The following HPSE2 variants were observed in gnomAD, a reference collection of about 807,000 sequenced individuals.
HPSE2 encodes inactive heparanase-2.
A neutral mutation model predicts 60.5 loss-of-function variants in HPSE2; 38 were observed. The observed-to-expected ratio is 0.63, with a 90% CI of 0.48 to 0.82. The LOEUF (loss-of-function observed/expected upper bound fraction) is 0.82, where lower values mean the gene tolerates loss of function less well. Ranked by LOEUF, HPSE2 falls within the 40% of genes least tolerant of loss-of-function variation. The pLI is 0.00. For missense variants in HPSE2, 713 were observed against 740.4 expected, an observed-to-expected ratio of 0.96 and a Z score of 0.43; for synonymous variants, 295 against 293.2, an observed-to-expected ratio of 1.01 and a Z score of -0.06.
chr10:98,839,042 A>T (rs896955311), intron 3 of HPSE2, among the ~76,000 whole-genome samples: 5 of 152,208 alleles, frequency 3.3e-5, no homozygotes, highest in African/African-American at 1.2e-4. Context: ...GCCAGCAAAG[A>T]GTATGTGATT....
At chr10:98,960,710 T>A (rs1955638895) in intron 3 of HPSE2, among the ~76,000 whole-genome samples, 3 of 55,174 alleles carry the variant, frequency 5.4e-5, no homozygotes, top group African/African-American at 2.8e-4. Context: ...TCTTTTTTTT[T>A]TTTTTTTTTT....
At chr10:98,691,383 CAA>C (rs1272614219) in intron 6 of HPSE2, among the ~76,000 whole-genome samples, 1 of 152,062 alleles carries the variant, frequency 6.6e-6, no homozygotes, top group Non-Finnish European at 1.5e-5. Context: ...AGTCAATAAA[CAA>C]AATGTATTTA....
At chr10:98,498,449 G>A (rs1564920834) in intron 9 of HPSE2, among the ~76,000 whole-genome samples, 1 of 152,126 alleles carries the variant, frequency 6.6e-6, no homozygotes, top group Non-Finnish European at 1.5e-5. Flanking sequence ...AAGGAGGAGA[G>A]TACTACATCA....
chr10:98,724,608 T>C (rs1459035008), intron 4 of HPSE2, among the ~76,000 whole-genome samples: 2 of 152,184 alleles, frequency 1.3e-5, no homozygotes, highest in Non-Finnish European at 2.9e-5. Context: ...TCTAAGTCTC[T>C]TTGTAGGTCA....
intron 5 of HPSE2, among the ~76,000 whole-genome samples, chr10:98,711,777 A>C (rs1948681458): frequency 6.6e-6 from 1 of 152,152 alleles, no homozygotes; most frequent in African/African-American, 2.4e-5. Flanking sequence ...TAAAATAAAG[A>C]TAATAAAACT....
At chr10:99,208,119 T>C (rs1307952088) in intron 2 of HPSE2, among the ~76,000 whole-genome samples, 1 of 151,588 alleles carries the variant, frequency 6.6e-6, no homozygotes, top group Non-Finnish European at 1.5e-5. Context: ...TCTTTCTTCC[T>C]CTTTCTCTCT....
the HPSE2 span, among the ~76,000 whole-genome samples, chr10:99,264,501 A>G: frequency 1.3e-5 from 2 of 152,156 alleles, no homozygotes; most frequent in South Asian, 2.1e-4. Flanking sequence ...GGGGGACTCT[A>G]TATTTTTAAA....
At chr10:98,981,688 T>A (rs991475979) in intron 3 of HPSE2, among the ~76,000 whole-genome samples, 1 of 152,116 alleles carries the variant, frequency 6.6e-6, no homozygotes, top group Non-Finnish European at 1.5e-5. Flanking sequence ...TGATCACCTA[T>A]CTGGTAGCTA....
intron 6 of HPSE2, among the ~76,000 whole-genome samples, chr10:98,673,906 T>A (rs1236803008): frequency 6.6e-6 from 1 of 152,302 alleles, no homozygotes; most frequent in South Asian, 2.1e-4. Context: ...ATGGTGTTAA[T>A]GATATTTGTC....
chr10:99,285,188 G>A, the HPSE2 span, among the ~76,000 whole-genome samples: 2 of 151,760 alleles, frequency 1.3e-5, no homozygotes, highest in Non-Finnish European at 2.9e-5. Flanking sequence ...CCAACACTTT[G>A]GCAGGCTGAA....
chr10:99,047,231 C>T (rs1392716595), intron 3 of HPSE2, among the ~76,000 whole-genome samples: 1 of 152,124 alleles, frequency 6.6e-6, no homozygotes, highest in Non-Finnish European at 1.5e-5. Flanking sequence ...AAAGGAACTC[C>T]TATTTGATTA....
At chr10:98,561,335 A>G in intron 9 of HPSE2, among the ~76,000 whole-genome samples, 1 of 152,094 alleles carries the variant, frequency 6.6e-6, no homozygotes, top group East Asian at 1.9e-4. Flanking sequence ...GCCCAGGCCA[A>G]CGTGTGTGTT....
intron 3 of HPSE2, among the ~76,000 whole-genome samples, chr10:98,767,218 A>T (rs553579038): frequency 6.6e-6 from 1 of 152,188 alleles, no homozygotes; most frequent in Non-Finnish European, 1.5e-5. Context: ...CAAGAACAAG[A>T]ATTTTGACTG....
At chr10:99,299,923 G>A in the HPSE2 span, among the ~76,000 whole-genome samples, 130,058 of 151,604 alleles carry the variant, frequency 0.86, 56,168 homozygotes, top group African/African-American at 0.93. Flanking sequence ...TCTGACATTA[G>A]GAGGAAGCTA....
At chr10:98,563,510 T>G (rs113491875) in intron 9 of HPSE2, among the ~76,000 whole-genome samples, 161 of 152,336 alleles carry the variant, frequency 1.1e-3, no homozygotes, top group African/African-American at 3.8e-3. Flanking sequence ...TCTGTAACTA[T>G]GCTAAACACC....
At chr10:99,286,193 C>T in the HPSE2 span, among the ~76,000 whole-genome samples, 2 of 152,162 alleles carry the variant, frequency 1.3e-5, no homozygotes, top group Middle Eastern at 3.4e-3. Flanking sequence ...CGTGGAATTA[C>T]CAACAATATG....
rs141039911 is a variant in HPSE2 at position 98,945,413 on chromosome 10, T to C, written c.610+198825A>G. On this transcript the variant is annotated intron_variant, in intron 3 of 11. Coordinates refer to ENST00000370552, the MANE Select transcript of HPSE2 (RefSeq NM_021828.5). ...ATCTGCTGATAGCTTTCTCTACTTA[T>C]CATATTTGTAGATGATACAGAAAGA... Among the ~76,000 whole-genome samples the C allele has an allele frequency of 8.5e-5, 13 of 152,292 alleles. No individual in the cohort carries two copies. The East Asian group carries it at 2.5e-3, about 29-fold the overall frequency.
the HPSE2 span, among the ~76,000 whole-genome samples, chr10:99,273,345 A>G: frequency 6.6e-6 from 1 of 152,192 alleles, no homozygotes; most frequent in African/African-American, 2.4e-5. Flanking sequence ...TTGCATCAAA[A>G]TCTCAAAAAT....
Position 99,230,191 on chromosome 10 carries a change from T to C in HPSE2, c.448+2157A>G, listed in dbSNP as rs375287664. On this transcript the variant is annotated intron_variant, in intron 2 of 11. Coordinates refer to ENST00000370552, the MANE Select transcript of HPSE2 (RefSeq NM_021828.5). ...ACTTTAAAGAAAGTTTTAAAAGAATTAGATCCAGGTAGTCTAGATAAAAAA... is the reference window on the plus strand; with the variant it reads ...ACTTTAAAGAAAGTTTTAAAAGAATCAGATCCAGGTAGTCTAGATAAAAAA... Among the ~76,000 whole-genome samples, 3 of 152,188 alleles carry C rather than the reference T, an allele frequency of 2.0e-5. No homozygotes were observed. In the East Asian group the frequency reaches 5.8e-4, roughly 29 times the overall value.
Sources: allele counts gnomAD v4.1 joint callset (sites outside exome capture counted in the v4.1 genomes callset), GRCh38; gene constraint gnomAD v4.1.1; transcripts MANE v1.5; gene names NCBI Gene and HGNC (gene_info 2026-07-23, HGNC 2026-07-21).